Variants in TMEM74 observed in about 807,000 individuals in gnomAD.
TMEM74 encodes the protein transmembrane protein 74.
A neutral mutation model predicts 18.1 loss-of-function variants in TMEM74; 13 were observed. That is an observed-to-expected ratio of 0.72 (90% CI 0.47 to 1.14). TMEM74 has a LOEUF of 1.14. Ranked by LOEUF, TMEM74 falls within the 50% of genes most tolerant of loss-of-function variation. The pLI, the probability that TMEM74 is intolerant of heterozygous loss-of-function variation, is 0.00. For missense variants in TMEM74, 372 were observed against 375.9 expected, an observed-to-expected ratio of 0.99 and a Z score of 0.09; for synonymous variants, 159 against 146.6, an observed-to-expected ratio of 1.08 and a Z score of -0.61.
intron 2 of TMEM74, among the ~76,000 whole-genome samples, chr8:108,631,788 T>C (rs1040298516): frequency 6.6e-6 from 1 of 152,132 alleles, no homozygotes; most frequent in Non-Finnish European, 1.5e-5. Flanking sequence ...TCCTCTATTT[T>C]TGTAAATCAA....
rs576766120 is a variant in TMEM74 at position 108,645,317 on chromosome 8, C to A, written n.264+9976G>T. On this transcript the variant is annotated intron_variant and non_coding_transcript_variant, in intron 2 of 3. Coordinates refer to the TMEM74 transcript ENST00000518838. ...GCTAAGCATTGGGTACACGTGGACA[C>A]AAAGATGAGTAAAATTGACACTGGA... 7.9e-5 allele frequency among the ~76,000 whole-genome samples: 12 copies of A among 152,000 alleles called. No individual in the cohort carries two copies. The East Asian group carries it at 2.1e-3, about 27-fold the overall frequency.
At chr8:108,644,226 A>G (rs901470470) in intron 2 of TMEM74, among the ~76,000 whole-genome samples, 1 of 152,174 alleles carries the variant, frequency 6.6e-6, no homozygotes, top group Non-Finnish European at 1.5e-5. Flanking sequence ...GATCCTTGAC[A>G]AGGTCGACAA....
chr8:108,660,187 C>T (rs193119418), intron 1 of TMEM74, among the ~76,000 whole-genome samples: 1 of 152,262 alleles, frequency 6.6e-6, no homozygotes, highest in African/African-American at 2.4e-5. Flanking sequence ...TCTCCCACCC[C>T]ACTCATTCAC....
At chr8:108,735,745 T>TCATA (rs1813742213) in intron 1 of TMEM74, among the ~76,000 whole-genome samples, 1 of 152,146 alleles carries the variant, frequency 6.6e-6, no homozygotes, top group Non-Finnish European at 1.5e-5. Flanking sequence ...AATTGCTGAG[T>TCATA]CATATGGCAT....
rs972074625 is a variant in TMEM74 at position 108,652,293 on chromosome 8, G to T, written n.264+3000C>A. On this transcript the variant is annotated intron_variant and non_coding_transcript_variant, in intron 2 of 3. Coordinates refer to the TMEM74 transcript ENST00000518838. Reference sequence around the variant, plus strand: ...TTAAAAGAAAGGGAAGTAGATGTGTGTGTCCTGACACGGAAAAATACTGAA... The same window carrying T: ...TTAAAAGAAAGGGAAGTAGATGTGTTTGTCCTGACACGGAAAAATACTGAA... 15 of 159,190 alleles carry T rather than the reference G, an allele frequency of 9.4e-5. No homozygotes were observed. In the Admixed American group the frequency reaches 9.7e-4, roughly 10 times the overall value. The allele number at this position is 159,190 out of a possible 1,614,324, so 9.9% of individuals were successfully genotyped here.
At chr8:108,760,360 C>T (rs941214082) in intron 1 of TMEM74, among the ~76,000 whole-genome samples, 1 of 152,046 alleles carries the variant, frequency 6.6e-6, no homozygotes, top group South Asian at 2.1e-4. Flanking sequence ...GTTGAAAAGC[C>T]AAGTGCACCA....
intron 1 of TMEM74, among the ~76,000 whole-genome samples, chr8:108,671,401 A>T (rs1813003547): frequency 6.6e-6 from 1 of 152,226 alleles, no homozygotes; most frequent in Admixed American, 6.5e-5. Flanking sequence ...GGGCAAAAGC[A>T]ACTGTCCTGT....
chr8:108,746,914 G>T (rs1813853855), intron 1 of TMEM74, among the ~76,000 whole-genome samples: 1 of 152,092 alleles, frequency 6.6e-6, no homozygotes, highest in African/African-American at 2.4e-5. Flanking sequence ...CTCATGCCTT[G>T]CCCTATACCT....
chr8:108,709,086 A>G (rs1300966682), intron 1 of TMEM74, among the ~76,000 whole-genome samples: 1 of 152,196 alleles, frequency 6.6e-6, no homozygotes, highest in Non-Finnish European at 1.5e-5. Flanking sequence ...GTGAGAATGT[A>G]AAATTTTGCA....
chr8:108,638,651 T>C (rs9297416), intron 2 of TMEM74, among the ~76,000 whole-genome samples: 1 of 151,740 alleles, frequency 6.6e-6, no homozygotes, highest in Non-Finnish European at 1.5e-5. Flanking sequence ...CTACACTAGG[T>C]AGGAAGCTTG....
At chr8:108,670,150 G>A (rs1812989653) in intron 1 of TMEM74, among the ~76,000 whole-genome samples, 1 of 149,694 alleles carries the variant, frequency 6.7e-6, no homozygotes, top group South Asian at 2.1e-4. Flanking sequence ...TAAATAAAAT[G>A]TTCACTCTGA....
rs1199122765 is a variant in TMEM74 at position 108,730,634 on chromosome 8, CTTTT to C, written n.119+56838_119+56841del. Among the ~76,000 whole-genome samples the C allele has an allele frequency of 3.4e-4, 45 of 132,144 alleles. 1 individual carries two copies. The highest frequency in any genetic ancestry group is 1.3e-3 in the African/African-American group (42 of 32,674). 86.7% of individuals were successfully genotyped at this position (132,144 alleles called of 152,430 possible). ...TTAGCTTTAAATGTATGCAGACTTC[CTTTT>C]TTTTTTTTTTTTTGTGACGGAGGCT... On this transcript the variant is annotated intron_variant and non_coding_transcript_variant, in intron 1 of 3. Transcript: ENST00000518838.
intron 1 of TMEM74, among the ~76,000 whole-genome samples, chr8:108,683,782 T>C (rs1813139326): frequency 6.6e-6 from 1 of 152,030 alleles, no homozygotes; most frequent in African/African-American, 2.4e-5. Flanking sequence ...GTCTCTGGTA[T>C]CCTCTATTCT....
At chr8:108,775,026 A>G (rs1420029838), downstream of TMEM74, among the ~76,000 whole-genome samples, 1 of 152,190 alleles carries the variant, frequency 6.6e-6, no homozygotes, top group Non-Finnish European at 1.5e-5. Flanking sequence ...TAAAGTTGCC[A>G]GATGTTGTGA....
intron 1 of TMEM74, among the ~76,000 whole-genome samples, chr8:108,726,113 G>A (rs373630509): frequency 6.6e-6 from 1 of 152,134 alleles, no homozygotes; most frequent in East Asian, 1.9e-4. Context: ...CAACTAGTGA[G>A]ACCCGGGGTA....
chr8:108,745,787 C>T (rs889806493), intron 1 of TMEM74, among the ~76,000 whole-genome samples: 1 of 152,128 alleles, frequency 6.6e-6, no homozygotes, highest in African/African-American at 2.4e-5. Flanking sequence ...CAGCCCAGCG[C>T]CGCACCCTGG....
rs762627988 is a variant in TMEM74, at chr8:108,784,928, C to T, written c.171G>A (p.Gly57=). The change falls in exon 2 of 2, where the codon GGG becomes GGA. Residue 57 remains glycine, a synonymous_variant. Coordinates refer to ENST00000297459, the MANE Select transcript of TMEM74 (RefSeq NM_153015.3). Reference sequence around the variant, plus strand: ...ATGCTGGAGAAGAACTAAGTTTAGACCCTTCCATCTCGGTTGCTCTTGGGG... The same window carrying T: ...ATGCTGGAGAAGAACTAAGTTTAGATCCTTCCATCTCGGTTGCTCTTGGGG... The part of the protein sequence containing the change: ...ASTPRATEME[G]SKLSSSPASP... The T allele has an allele frequency of 9.3e-6, 15 of 1,614,054 alleles. No individual in the cohort carries two copies. The highest frequency in any genetic ancestry group is 5.3e-5 in the African/African-American group (4 of 74,912).
At chr8:108,679,491 A>G (rs1427942590) in intron 1 of TMEM74, among the ~76,000 whole-genome samples, 2 of 152,170 alleles carry the variant, frequency 1.3e-5, no homozygotes, top group Non-Finnish European at 2.9e-5. Context: ...CATTTCCCTG[A>G]TGGCCAGTGA....
At chr8:108,642,083 T>A (rs1240822981) in intron 2 of TMEM74, among the ~76,000 whole-genome samples, 1 of 150,068 alleles carries the variant, frequency 6.7e-6, no homozygotes, top group African/African-American at 2.5e-5. Context: ...TAGTTAGAAA[T>A]ACAAAAACAG....
Sources: gnomAD v4.1 joint callset for allele counts (sites outside exome capture counted in the v4.1 genomes callset) on GRCh38, gnomAD v4.1.1 for gene constraint, MANE v1.5 for transcripts, NCBI Gene and HGNC (gene_info 2026-07-23, HGNC 2026-07-21) for gene names.